DPYD: variants seen among roughly 807,000 people sequenced by gnomAD.
DPYD encodes dihydropyrimidine dehydrogenase [NADP(+)].
Under a neutral mutation model 116.2 loss-of-function variants are expected in DPYD, and 109 were observed. The observed-to-expected ratio is 0.94, with a 90% CI of 0.80 to 1.10. The LOEUF is 1.10. Ranked by LOEUF, DPYD falls within the 50% of genes least tolerant of loss-of-function variation. The pLI is 0.00. For missense variants in DPYD, 1,302 were observed against 1,254.5 expected, an observed-to-expected ratio of 1.04 and a Z score of -0.57; for synonymous variants, 440 against 432.0, an observed-to-expected ratio of 1.02 and a Z score of -0.23.
At chr1:97,883,834 C>CAA (rs11414362) in intron 1 of DPYD, 24,336 of 361,182 alleles carry the variant, frequency 0.067, 96 homozygotes, top group Non-Finnish European at 0.075. Flanking sequence ...TTAGGAATCA[C>CAA]AAAAAAAAAA....
At chr1:97,627,288 A>G (rs990886353) in intron 8 of DPYD, among the ~76,000 whole-genome samples, 1 of 152,080 alleles carries the variant, frequency 6.6e-6, no homozygotes, top group Non-Finnish European at 1.5e-5. Flanking sequence ...AACTTACAAC[A>G]TATTGCCTCC....
chr1:97,344,212 C>T lies in DPYD; in HGVS notation c.2058+29349G>A, dbSNP rs1359625176. ...AAAGAGAGAGAGAGAGAGAGAATCT[C>T]GCCAAAAGTACTTGCTAGTAACCAT... On this transcript the variant is annotated intron_variant, in intron 16 of 22. Transcript: ENST00000370192. Among the ~76,000 whole-genome samples the T allele has an allele frequency of 5.9e-5, 9 of 151,826 alleles. No individual in the cohort carries two copies. The East Asian group carries it at 7.7e-4, about 13-fold the overall frequency.
chr1:97,206,898 T>C (rs971650042), intron 19 of DPYD, among the ~76,000 whole-genome samples: 3 of 151,424 alleles, frequency 2.0e-5, no homozygotes, highest in East Asian at 1.9e-4. Flanking sequence ...TATATACCTA[T>C]GTATATGTAG....
At chr1:97,690,049 A>C (rs1417373610) in intron 7 of DPYD, among the ~76,000 whole-genome samples, 1 of 152,038 alleles carries the variant, frequency 6.6e-6, no homozygotes, top group Non-Finnish European at 1.5e-5. Flanking sequence ...ATGTTGAAAA[A>C]ATTGTCCCAC....
chr1:97,078,821 T>C lies in DPYD; in HGVS notation c.*155A>G. ...AATGGTCATTGACATGAGACATTTTTTACACTTACAAATGTATTTTGAAAT... is the reference window on the plus strand; with the variant it reads ...AATGGTCATTGACATGAGACATTTTCTACACTTACAAATGTATTTTGAAAT... On this transcript the variant is annotated 3_prime_UTR_variant, in exon 23 of 23. Transcript: ENST00000370192. The C allele has an allele frequency of 1.1e-6, 1 of 875,540 alleles. No individual in the cohort carries two copies. Among genetic ancestry groups the C allele is most frequent in the Non-Finnish European group, 1.8e-6 (1 of 562,154 alleles). The allele number at this position is 875,540 out of a possible 1,614,324, so 54.2% of individuals were successfully genotyped here. A position where few individuals can be genotyped will look rare whatever the true frequency, so the allele number is the denominator to read the frequency against.
chr1:97,309,738 ATGCTGAGGAATGCAGATTAC>A (rs1667389188), intron 16 of DPYD, among the ~76,000 whole-genome samples: 1 of 151,770 alleles, frequency 6.6e-6, no homozygotes, highest in South Asian at 2.1e-4. Context: ...AGAAAAGGTA[ATGCTGAGGAATGCAGATTAC>A]TTGCTGCAGT....
At chr1:97,836,432 T>C (rs538392704) in intron 2 of DPYD, among the ~76,000 whole-genome samples, 1 of 152,254 alleles carries the variant, frequency 6.6e-6, no homozygotes, top group South Asian at 2.1e-4. Context: ...TCTATTTAGA[T>C]GGTATGGCTG....
chr1:97,164,930 G>A (rs778433684), intron 20 of DPYD, among the ~76,000 whole-genome samples: 3 of 150,980 alleles, frequency 2.0e-5, no homozygotes, highest in East Asian at 1.9e-4. Flanking sequence ...GGATGGTCTC[G>A]ATCTGCTGAC....
chr1:97,322,670 C>T (rs979066282), intron 16 of DPYD: 1 of 151,876 alleles, frequency 6.6e-6, no homozygotes, highest in Non-Finnish European at 1.5e-5. Context: ...AGGGGTGTGT[C>T]TGTGTAAAAA....
At chr1:97,438,851 T>G (rs1675603988) in intron 14 of DPYD, among the ~76,000 whole-genome samples, 1 of 152,136 alleles carries the variant, frequency 6.6e-6, no homozygotes, top group Non-Finnish European at 1.5e-5. Context: ...AAGACAGTTT[T>G]ACTTCTTCCT....
At chr1:97,417,665 A>AT (rs1218053132) in intron 14 of DPYD, among the ~76,000 whole-genome samples, 1 of 152,118 alleles carries the variant, frequency 6.6e-6, no homozygotes, top group Non-Finnish European at 1.5e-5. Context: ...TTTCACTTTA[A>AT]TTTTTTTCAA....
chr1:97,829,030 T>C (rs1211292114), intron 2 of DPYD, among the ~76,000 whole-genome samples: 5 of 151,862 alleles, frequency 3.3e-5, no homozygotes, highest in East Asian at 1.9e-4. Context: ...AGGGCATAAA[T>C]TGTAGAAATT....
At chr1:97,229,804 G>T (rs1421481314) in intron 19 of DPYD, among the ~76,000 whole-genome samples, 3 of 151,822 alleles carry the variant, frequency 2.0e-5, no homozygotes, top group Non-Finnish European at 4.4e-5. Context: ...ACCTATGTGT[G>T]AAACTTTACA....
chr1:97,266,061 A>T (rs1403080074), intron 18 of DPYD, among the ~76,000 whole-genome samples: 3 of 152,216 alleles, frequency 2.0e-5, no homozygotes, highest in Non-Finnish European at 4.4e-5. Context: ...GTTACTGCTG[A>T]TCACCAGGTT....
intron 20 of DPYD, among the ~76,000 whole-genome samples, chr1:97,138,211 T>A (rs1010862374): frequency 5.9e-5 from 9 of 152,150 alleles, no homozygotes; most frequent in Non-Finnish European, 1.3e-4. Context: ...TATATGAGAA[T>A]GGCATGTGGA....
At chr1:97,544,970 C>T (rs540834422) in intron 12 of DPYD, among the ~76,000 whole-genome samples, 1 of 152,202 alleles carries the variant, frequency 6.6e-6, no homozygotes, top group African/African-American at 2.4e-5. Flanking sequence ...ATTCCACTTT[C>T]ATTTCTTAAA....
chr1:97,684,226 ACATTGTCTCTTTGTT>A (rs1253396961), intron 7 of DPYD, among the ~76,000 whole-genome samples: 2 of 152,166 alleles, frequency 1.3e-5, no homozygotes, highest in African/African-American at 4.8e-5. Context: ...AGATTCTGGT[ACATTGTCTCTTTGTT>A]CTCACTGGTT....
At chr1:97,195,568 T>A (rs2101830386) in intron 19 of DPYD, among the ~76,000 whole-genome samples, 2 of 45,408 alleles carry the variant, frequency 4.4e-5, no homozygotes, top group Admixed American at 2.9e-4. Context: ...GACAGAACTC[T>A]CATATATATA....
intron 20 of DPYD, among the ~76,000 whole-genome samples, chr1:97,103,812 T>C (rs772757195): frequency 6.6e-6 from 1 of 152,144 alleles, no homozygotes; most frequent in Admixed American, 6.6e-5. Context: ...ACGATGTTGG[T>C]ATAAGCATTA....
Sources: gnomAD v4.1 joint callset for allele counts (sites outside exome capture counted in the v4.1 genomes callset) on GRCh38, gnomAD v4.1.1 for gene constraint, MANE v1.5 for transcripts, NCBI Gene and HGNC (gene_info 2026-07-23, HGNC 2026-07-21) for gene names.